BTNL8: variants seen among roughly 807,000 people sequenced by gnomAD.
BTNL8 encodes butyrophilin like 8.
In BTNL8, 22 loss-of-function variants were observed where a neutral mutation model predicts 36.1. The observed-to-expected ratio is 0.61, with a 90% CI of 0.44 to 0.87. The LOEUF (loss-of-function observed/expected upper bound fraction) is 0.87. BTNL8 is among the 40% of genes least tolerant of loss of function. BTNL8 has a pLI of 0.00. For missense variants in BTNL8, 526 were observed against 616.9 expected (o/e 0.85, Z 1.56); for synonymous variants, 203 against 235.6 (o/e 0.86, Z 1.27).
chr5:180,908,753 C>G lies in BTNL8; in HGVS notation c.217C>G (p.Gln73Glu), dbSNP rs769176293. The part of the protein sequence containing the change: ...VVHLYRDGKD[Q>E]PFMQMPQYQG... ...CCACCTCTACAGGGACGGGAAGGACCAGCCATTTATGCAGATGCCACAGTA... is the reference window on the plus strand; with the variant it reads ...CCACCTCTACAGGGACGGGAAGGACGAGCCATTTATGCAGATGCCACAGTA... The change falls in exon 2 of 8, where the codon CAG becomes GAG. Residue 73 changes from glutamine (Q) to glutamate (E), a missense_variant. By Grantham distance (29) the Gln-to-Glu change is conservative. Transcript: ENST00000340184. 6.2e-7 allele frequency: 1 copy of G among 1,614,164 alleles called. No individual in the cohort carries two copies. Among genetic ancestry groups the G allele is most frequent in the Admixed American group, 1.7e-5 (1 of 60,016 alleles).
chr5:180,934,332 T>C (rs1758543179), intron 3 of BTNL8, among the ~76,000 whole-genome samples: 3 of 152,226 alleles, frequency 2.0e-5, no homozygotes, highest in South Asian at 2.1e-4. Context: ...ATAGCTAACA[T>C]TGCCATGGCA....
intron 3 of BTNL8, among the ~76,000 whole-genome samples, chr5:180,926,366 G>A (rs532552975): frequency 2.6e-5 from 4 of 152,250 alleles, no homozygotes; most frequent in Non-Finnish European, 4.4e-5. Context: ...TACACCACCC[G>A]GGCCCTGGGT....
intron 3 of BTNL8, among the ~76,000 whole-genome samples, chr5:180,929,938 G>A (rs1487940347): frequency 1.7e-5 from 2 of 118,950 alleles, no homozygotes; most frequent in Non-Finnish European, 3.5e-5. Flanking sequence ...AATAGAAAGA[G>A]AGAAACTCCT....
At chr5:180,923,706 A>G (rs1171945369) in intron 3 of BTNL8, among the ~76,000 whole-genome samples, 4 of 152,204 alleles carry the variant, frequency 2.6e-5, no homozygotes, top group African/African-American at 9.6e-5. Context: ...AGGAAAAAAT[A>G]GAATGCCTAT....
chr5:180,923,435 A>G lies in BTNL8; in HGVS notation c.673+11821A>G, dbSNP rs561745494. 9.8e-5 allele frequency among the ~76,000 whole-genome samples: 15 copies of G among 152,304 alleles called. No homozygotes were observed. In the South Asian group the frequency reaches 3.1e-3, roughly 32 times the overall value. On this transcript the variant is annotated intron_variant, in intron 3 of 7. Coordinates refer to ENST00000340184, the MANE Select transcript of BTNL8 (RefSeq NM_001040462.3). The stretch of plus-strand genomic sequence containing the variant: ...TAATAAAACATATATAAGTTTCAAC[A>G]TCTAACTATGATTTAAAACACTTGT...
intron 1 of BTNL8, among the ~76,000 whole-genome samples, chr5:180,905,394 G>T (rs1359900999): frequency 1.6e-5 from 2 of 121,258 alleles, no homozygotes; most frequent in East Asian, 4.6e-4. Context: ...ATTTTTTATT[G>T]CATCTATTTG....
Position 180,935,141 on chromosome 5 carries a change from A to G in BTNL8, c.674-12371A>G, listed in dbSNP as rs1337867654. On this transcript the variant is annotated intron_variant, in intron 3 of 7. Coordinates refer to ENST00000340184, the MANE Select transcript of BTNL8 (RefSeq NM_001040462.3). The surrounding 1 kb of genome is among the most constrained non-coding windows in gnomAD (Gnocchi z 4.8). ...GAAGGGAGTGCATGCTGATTGGTTCATGGATGGCCATGGGTGGCTGGGAAA... is the reference window on the plus strand; with the variant it reads ...GAAGGGAGTGCATGCTGATTGGTTCGTGGATGGCCATGGGTGGCTGGGAAA... 6.6e-6 allele frequency among the ~76,000 whole-genome samples: 1 copy of G among 152,128 alleles called. No homozygotes were observed. The highest frequency in any genetic ancestry group is 1.9e-4 in the East Asian group (1 of 5,188).
chr5:180,930,186 A>G (rs1256582181), intron 3 of BTNL8, among the ~76,000 whole-genome samples: 1 of 152,240 alleles, frequency 6.6e-6, no homozygotes, highest in Non-Finnish European at 1.5e-5. Flanking sequence ...AACGTAATCC[A>G]TCACATAAAC....
chr5:180,921,569 A>G (rs1757859217), intron 3 of BTNL8, among the ~76,000 whole-genome samples: 1 of 151,960 alleles, frequency 6.6e-6, no homozygotes, highest in Non-Finnish European at 1.5e-5. Flanking sequence ...AGTTCTGGAG[A>G]TCTACTATAC....
intron 3 of BTNL8, among the ~76,000 whole-genome samples, chr5:180,913,528 T>G (rs1465062432): frequency 6.6e-6 from 1 of 152,196 alleles, no homozygotes; most frequent in Admixed American, 6.5e-5. Context: ...AGAGAATCCA[T>G]GTCAAATGAT....
intron 3 of BTNL8, among the ~76,000 whole-genome samples, chr5:180,917,886 G>A (rs914260030): frequency 4.0e-5 from 6 of 151,894 alleles, no homozygotes; most frequent in Admixed American, 1.3e-4. Context: ...AGAATTAGCC[G>A]GGCATGGTGG....
chr5:180,924,896 T>C (rs972194829), intron 3 of BTNL8, among the ~76,000 whole-genome samples: 2 of 151,760 alleles, frequency 1.3e-5, no homozygotes. Flanking sequence ...AAAATGCAGA[T>C]AGAAAATAAA....
intron 3 of BTNL8, 68 bp downstream of exon 3, chr5:180,911,682 G>A: frequency 7.0e-7 from 1 of 1,419,496 alleles, no homozygotes. Context: ...GAGGACAGGA[G>A]CCTCCATCTT....
chr5:180,930,933 A>C (rs1405316662), intron 3 of BTNL8, among the ~76,000 whole-genome samples: 1 of 152,194 alleles, frequency 6.6e-6, no homozygotes, highest in Admixed American at 6.5e-5. Context: ...GCTACCACTG[A>C]CTTTCTTCAC....
intron 1 of BTNL8, among the ~76,000 whole-genome samples, chr5:180,900,911 G>A (rs895824388): frequency 2.0e-5 from 3 of 152,178 alleles, no homozygotes; most frequent in Non-Finnish European, 4.4e-5. Context: ...TGCTAAAATC[G>A]CAAACCTTCT....
chr5:180,924,616 G>A (rs1458033201), intron 3 of BTNL8, among the ~76,000 whole-genome samples: 1 of 152,190 alleles, frequency 6.6e-6, no homozygotes, highest in Non-Finnish European at 1.5e-5. Flanking sequence ...GTCTGAGGTT[G>A]CTACCAGTTG....
chr5:180,928,267 T>C (rs1193755131), intron 3 of BTNL8, among the ~76,000 whole-genome samples: 1 of 152,166 alleles, frequency 6.6e-6, no homozygotes, highest in Non-Finnish European at 1.5e-5. Flanking sequence ...TAAAATCCTT[T>C]ACAGAAAAGC....
intron 2 of BTNL8, chr5:180,909,444 T>C (rs559522403): frequency 8.2e-6 from 5 of 609,904 alleles, no homozygotes; most frequent in Non-Finnish European, 1.0e-5. Flanking sequence ...CCTGCTCACT[T>C]GTCCTACAAA....
At chr5:180,906,007 C>G (rs10479589) in intron 1 of BTNL8, among the ~76,000 whole-genome samples, 4 of 138,406 alleles carry the variant, frequency 2.9e-5, no homozygotes, top group Admixed American at 1.4e-4. Flanking sequence ...TGTTGATTTG[C>G]GGTGGAGAGT....
Sources: allele counts gnomAD v4.1 joint callset (sites outside exome capture counted in the v4.1 genomes callset), GRCh38; gene constraint gnomAD v4.1.1; non-coding constraint Gnocchi (gnomAD v3.1); transcripts MANE v1.5; gene names NCBI Gene and HGNC (gene_info 2026-07-23, HGNC 2026-07-21).